Variants in PSPC1 observed in about 807,000 individuals in gnomAD.
The protein encoded by PSPC1 is paraspeckle component 1.
PSPC1 carries 14 observed loss-of-function variants against 51.6 expected under a neutral mutation model. The observed-to-expected ratio is 0.27, with a 90% CI of 0.18 to 0.42. The LOEUF is 0.42. Ranked by LOEUF, PSPC1 falls within the 10% of genes least tolerant of loss-of-function variation. The pLI, the probability that PSPC1 is intolerant of heterozygous loss-of-function variation, is 1.00. For missense variants in PSPC1, 406 were observed against 701.1 expected (o/e 0.58, Z 4.75); for synonymous variants, 193 against 231.9 (o/e 0.83, Z 1.53).
intron 2 of PSPC1, among the ~76,000 whole-genome samples, chr13:19,764,682 T>TAAAAAA (rs68143550): frequency 0.58 from 45,291 of 77,748 alleles, 15,083 homozygotes; most frequent in East Asian, 0.83. Context: ...GAACTTGCCT[T>TAAAAAA]AAAAAAAAAA....
intron 1 of PSPC1, among the ~76,000 whole-genome samples, chr13:19,779,952 G>T (rs1889729839): frequency 7.0e-6 from 1 of 143,400 alleles, no homozygotes; most frequent in African/African-American, 2.6e-5. Context: ...CCGTCCGGGA[G>T]GGAGGTGGGG....
intron 6 of PSPC1, among the ~76,000 whole-genome samples, chr13:19,715,220 A>G (rs1283048664): frequency 6.6e-6 from 1 of 152,236 alleles, no homozygotes; most frequent in Non-Finnish European, 1.5e-5. Flanking sequence ...ATGGAAAATT[A>G]AAGAAATATG....
chr13:19,745,055 C>T (rs566644584), intron 4 of PSPC1, among the ~76,000 whole-genome samples: 3 of 152,218 alleles, frequency 2.0e-5, no homozygotes, highest in South Asian at 2.1e-4. Flanking sequence ...CCTCGGCCTC[C>T]GAAAGTAATC....
chr13:19,709,107 C>A (rs1881070487), intron 7 of PSPC1, among the ~76,000 whole-genome samples: 2 of 128,464 alleles, frequency 1.6e-5, no homozygotes, highest in South Asian at 5.1e-4. Context: ...TTCAGCAAGC[C>A]AAGTTTGTGC....
At chr13:19,699,201 T>C (rs1004906267), downstream of PSPC1, among the ~76,000 whole-genome samples, 1 of 151,970 alleles carries the variant, frequency 6.6e-6, no homozygotes, top group African/African-American at 2.4e-5. Context: ...TATTTATTTT[T>C]AAAATTTTTT....
intron 5 of PSPC1, among the ~76,000 whole-genome samples, chr13:19,736,442 G>A (rs1414700879): frequency 1.3e-5 from 2 of 152,062 alleles, no homozygotes; most frequent in South Asian, 4.2e-4. Flanking sequence ...CCAGCACTTT[G>A]GGAGGCCGAG....
At chr13:19,729,271 TGACACCTG>T (rs753326295) in intron 6 of PSPC1, among the ~76,000 whole-genome samples, 143 of 152,312 alleles carry the variant, frequency 9.4e-4, no homozygotes, top group Admixed American at 1.9e-3. Flanking sequence ...GCATGGTGGC[TGACACCTG>T]TAATCCCAGC....
intron 7 of PSPC1, among the ~76,000 whole-genome samples, chr13:19,708,830 AGAAACTATCAATTTCCAACTCG>A (rs959380262): frequency 4.6e-5 from 7 of 152,200 alleles, no homozygotes; most frequent in Non-Finnish European, 8.8e-5. Context: ...AACACAACTC[AGAAACTATCAATTTCCAACTCG>A]GAAACTATCA....
chr13:19,771,509 C>G (rs1052831961), intron 2 of PSPC1, among the ~76,000 whole-genome samples: 1 of 152,112 alleles, frequency 6.6e-6, no homozygotes, highest in Non-Finnish European at 1.5e-5. Context: ...GATCTGGGAT[C>G]ACTGCAACCT....
chr13:19,699,780 G>C (rs1400667472), downstream of PSPC1, among the ~76,000 whole-genome samples: 2 of 151,980 alleles, frequency 1.3e-5, no homozygotes, highest in East Asian at 3.8e-4. Flanking sequence ...AATAACTGTT[G>C]AATTAGAAGA....
chr13:19,772,168 A>G, intron 2 of PSPC1, 74 bp downstream of exon 2: 4 of 1,486,462 alleles, frequency 2.7e-6, no homozygotes, highest in Non-Finnish European at 3.6e-6. Flanking sequence ...AACTGCAATG[A>G]AAGACAGAAT....
chr13:19,745,651 G>A (rs1368614207), intron 4 of PSPC1, among the ~76,000 whole-genome samples: 2 of 142,322 alleles, frequency 1.4e-5, no homozygotes, highest in African/African-American at 2.6e-5. Context: ...TGGGAGTCTC[G>A]CTCTGTCGCC....
intron 6 of PSPC1, among the ~76,000 whole-genome samples, chr13:19,716,499 T>A (rs1593604926): frequency 6.6e-6 from 1 of 152,174 alleles, no homozygotes; most frequent in African/African-American, 2.4e-5. Context: ...ATCAATACTC[T>A]TTTTTAGGTC....
rs549373653 is a variant in PSPC1, at chr13:19,751,172, A to C, written c.967+99T>G. On this transcript the variant is annotated intron_variant, in intron 4 of 8. Coordinates refer to ENST00000338910, the MANE Select transcript of PSPC1 (RefSeq NM_001354909.2). ...TATGTTGAGTTCCAACTTTACCTCT[A>C]AACTCCTAAATGGCACTTTACACAG... 23 of 948,122 alleles carry C rather than the reference A, an allele frequency of 2.4e-5. No homozygotes were observed. The South Asian group carries it at 8.2e-4, about 34-fold the overall frequency. 58.7% of individuals were successfully genotyped at this position (948,122 alleles called of 1,614,324 possible).
At chr13:19,735,832 T>A (rs1436579031) in intron 5 of PSPC1, among the ~76,000 whole-genome samples, 1 of 149,354 alleles carries the variant, frequency 6.7e-6, no homozygotes, top group East Asian at 1.9e-4. Context: ...AAAAAAAAAT[T>A]TTTTTTTTGA....
At chr13:19,713,545 C>G (rs550280820) in intron 6 of PSPC1, among the ~76,000 whole-genome samples, 77 of 87,228 alleles carry the variant, frequency 8.8e-4, no homozygotes, top group Non-Finnish European at 1.4e-3. Context: ...CCCAGACAGC[C>G]AAAAAAAAAA....
At chr13:19,775,236 C>T (rs1183641529) in intron 1 of PSPC1, among the ~76,000 whole-genome samples, 1 of 152,108 alleles carries the variant, frequency 6.6e-6, no homozygotes, top group Non-Finnish European at 1.5e-5. Context: ...CCTGTAGTCC[C>T]AGCTACTCAG....
intron 6 of PSPC1, among the ~76,000 whole-genome samples, chr13:19,683,851 CTT>C (rs1231071324): frequency 2.6e-5 from 4 of 152,016 alleles, no homozygotes; most frequent in Non-Finnish European, 4.4e-5. Flanking sequence ...ATCTTTTCCT[CTT>C]AAGATTATAT....
chr13:19,747,703 ATTTT>A (rs908169078), intron 4 of PSPC1, among the ~76,000 whole-genome samples: 1 of 152,100 alleles, frequency 6.6e-6, no homozygotes, highest in Non-Finnish European at 1.5e-5. Flanking sequence ...ACATATGCAA[ATTTT>A]TTTTCATTAA....
Sources: gnomAD v4.1 joint callset for allele counts (sites outside exome capture counted in the v4.1 genomes callset) on GRCh38, gnomAD v4.1.1 for gene constraint, MANE v1.5 for transcripts, NCBI Gene and HGNC (gene_info 2026-07-23, HGNC 2026-07-21) for gene names.